RGS14: variants seen among roughly 807,000 people sequenced by gnomAD.
RGS14 encodes regulator of G protein signaling 14, also known as regulator of G-protein signaling 14.
RGS14 carries 33 observed loss-of-function variants against 63.8 expected under a neutral mutation model. The ratio of observed to expected loss-of-function variants is 0.52; its 90% CI spans 0.39 to 0.69. The LOEUF (loss-of-function observed/expected upper bound fraction) is 0.69, where lower values mean the gene tolerates loss of function less well. RGS14 is among the 30% of genes least tolerant of loss of function. RGS14 has a pLI of 0.00. For missense variants in RGS14, 739 were observed against 742.9 expected (o/e 0.99, Z 0.06); for synonymous variants, 296 against 320.9 (o/e 0.92, Z 0.83).
rs754736388 is a variant in RGS14, at chr5:177,358,064, C to T, written c.40C>T (p.Arg14Cys). The change falls in exon 1 of 15, where the codon CGC becomes TGC. Residue 14 changes from arginine to cysteine, a missense_variant. Coordinates refer to ENST00000408923, the MANE Select transcript of RGS14 (RefSeq NM_006480.5). The surrounding 1 kb of genome is among the most constrained non-coding windows in gnomAD (Gnocchi z 4.8). ...KPKHLGVPNG[R>C]MVLAVSDGEL... Reference sequence around the variant, plus strand: ...CAAGCACCTGGGCGTCCCCAACGGGCGCATGGTGAGTGTGGGCTCCGGGCC... The same window carrying T: ...CAAGCACCTGGGCGTCCCCAACGGGTGCATGGTGAGTGTGGGCTCCGGGCC... 5.2e-6 allele frequency: 7 copies of T among 1,356,036 alleles called. No homozygotes were observed. The highest frequency in any genetic ancestry group is 6.7e-6 in the Non-Finnish European group (7 of 1,044,138). The allele number at this position is 1,356,036 out of a possible 1,614,324, so 84.0% of individuals were successfully genotyped here. A position where few individuals can be genotyped will look rare whatever the true frequency, so the allele number is the denominator to read the frequency against.
intron 5 of RGS14, 79 bp downstream of exon 5, chr5:177,367,113 G>A: frequency 6.6e-7 from 1 of 1,514,892 alleles, no homozygotes; most frequent in Non-Finnish European, 8.9e-7. Flanking sequence ...CGGGGAGTCT[G>A]AACTACAAAG....
intron 1 of RGS14, among the ~76,000 whole-genome samples, chr5:177,363,566 T>C (rs936176907): frequency 2.6e-5 from 4 of 152,164 alleles, no homozygotes; most frequent in Admixed American, 1.3e-4. Flanking sequence ...CTCGAATGTG[T>C]AGCGGGGTCA....
chr5:177,358,008 C>T lies in RGS14; in HGVS notation c.-17C>T. 1 of 1,354,504 alleles carries T rather than the reference C, an allele frequency of 7.4e-7. No homozygotes were observed. The highest frequency in any genetic ancestry group is 9.6e-7 in the Non-Finnish European group (1 of 1,043,716). The allele number at this position is 1,354,504 out of a possible 1,614,324, so 83.9% of individuals were successfully genotyped here. On this transcript the variant is annotated 5_prime_UTR_variant, in exon 1 of 15. Coordinates refer to ENST00000408923, the MANE Select transcript of RGS14 (RefSeq NM_006480.5). The surrounding 1 kb of genome is among the most constrained non-coding windows in gnomAD (Gnocchi z 4.8). ...GGTGGGCAGCCCCCGCGGCGGGGAC[C>T]CCTGATCGGCAGCGGCATGCCAGGG...
At chr5:177,367,192 C>T in intron 5 of RGS14, 158 bp downstream of exon 5, 2 of 1,134,984 alleles carry the variant, frequency 1.8e-6, no homozygotes, top group Non-Finnish European at 2.5e-6. Context: ...GCTCAGAGGG[C>T]GGTATCAGAG....
intron 1 of RGS14, 23 bp from the exon 2 acceptor site, chr5:177,365,940 T>G (rs766341370): frequency 6.2e-7 from 1 of 1,613,818 alleles, no homozygotes; most frequent in Admixed American, 1.7e-5. Context: ...CTCTTCTGAC[T>G]TTCTCTGTTG....
At position 177,366,372 on chromosome 5, in the gene RGS14, GA is replaced by G; in HGVS notation, c.246+20del. On this transcript the variant is annotated intron_variant, in intron 3 of 14. Coordinates refer to ENST00000408923, the MANE Select transcript of RGS14 (RefSeq NM_006480.5). ...TACTTCACTGTAAGCCTGGGGTAGG[GA>G]AAGGGAAGGGGGGACACGGGAGAGG... 1.3e-6 allele frequency: 2 copies of G among 1,530,712 alleles called. No individual in the cohort carries two copies. The highest frequency in any genetic ancestry group is 1.8e-6 in the Non-Finnish European group (2 of 1,135,376). The allele number at this position is 1,530,712 out of a possible 1,614,324, so 94.8% of individuals were successfully genotyped here. A position where few individuals can be genotyped will look rare whatever the true frequency, so the allele number is the denominator to read the frequency against.
rs1027021210 is a variant in RGS14 at position 177,358,578 on chromosome 5, G to T, written c.45+509G>T. 6.6e-6 allele frequency among the ~76,000 whole-genome samples: 1 copy of T among 152,220 alleles called. No homozygotes were observed. Among genetic ancestry groups the T allele is most frequent in the Non-Finnish European group, 1.5e-5 (1 of 68,032 alleles). Reference sequence around the variant, plus strand: ...AGCATTGTTTGGGCAGCCCGGGATGGGGCAGCAGGGTCAGACTAGGTTGAT... The same window carrying T: ...AGCATTGTTTGGGCAGCCCGGGATGTGGCAGCAGGGTCAGACTAGGTTGAT... On this transcript the variant is annotated intron_variant, in intron 1 of 14. Coordinates refer to ENST00000408923, the MANE Select transcript of RGS14 (RefSeq NM_006480.5). The surrounding 1 kb of genome is among the most constrained non-coding windows in gnomAD (Gnocchi z 4.8).
In RGS14 at chr5:177,364,379, G is replaced by A. The variant is rs2127328940; in HGVS notation, c.46-1584G>A. On this transcript the variant is annotated intron_variant, in intron 1 of 14. Transcript: ENST00000408923. The surrounding 1 kb of genome is among the most constrained non-coding windows in gnomAD (Gnocchi z 4.6). ...GAAGAAAGATGGGGGCAGGGAAGCT[G>A]GTTTGGTACTGTGTTTTGGTGGAGG... Among the ~76,000 whole-genome samples, 1 of 152,298 alleles carries A rather than the reference G, an allele frequency of 6.6e-6. No homozygotes were observed. The highest frequency in any genetic ancestry group is 1.5e-5 in the Non-Finnish European group (1 of 68,018).
In RGS14 at chr5:177,366,962, C is replaced by T; in HGVS notation, c.411C>T (p.Asp137=). The T allele has an allele frequency of 6.2e-7, 1 of 1,613,964 alleles. No homozygotes were observed. The highest frequency in any genetic ancestry group is 1.1e-5 in the South Asian group (1 of 91,048). The stretch of plus-strand genomic sequence containing the variant: ...AGGCGCTGAGCCCAGTGAACATCGA[C>T]CGTCAGGCCTGGCTTGGCGAGGAGG... ...SSQALSPVNI[D]RQAWLGEEVL... The change falls in exon 5 of 15, where the codon GAC becomes GAT. Residue 137 remains aspartate (D), a synonymous_variant. Transcript: ENST00000408923.
chr5:177,366,233 A>G lies in RGS14; in HGVS notation c.124A>G (p.Ser42Gly). ...GGGCGAGGGCCGCGGCAGCTCTCTC[A>G]GCATCCACAGCCTCCCCAGTGGTCC... Reference protein sequence around the residue: ...GQGEGRGSSLSIHSLPSGPSS... With the variant: ...GQGEGRGSSLGIHSLPSGPSS... The change falls in exon 3 of 15, where the codon AGC (serine) becomes GGC (glycine). Residue 42 changes from serine to glycine, a missense_variant. Transcript: ENST00000408923. 6.3e-7 allele frequency: 1 copy of G among 1,595,336 alleles called. No homozygotes were observed. Among genetic ancestry groups the G allele is most frequent in the Non-Finnish European group, 8.5e-7 (1 of 1,172,098 alleles).
chr5:177,369,619 C>T (rs1433431840), intron 9 of RGS14, among the ~76,000 whole-genome samples: 1 of 152,168 alleles, frequency 6.6e-6, no homozygotes, highest in Non-Finnish European at 1.5e-5. Context: ...TGGCTGGTGT[C>T]CGGAAGGCTT....
At chr5:177,366,592 G>T in intron 3 of RGS14, 116 bp from the exon 4 acceptor site, 1 of 963,570 alleles carries the variant, frequency 1.0e-6, no homozygotes, top group Non-Finnish European at 1.6e-6. Context: ...GTCTGGCCCT[G>T]TCTGTCTGGC....
At chr5:177,366,842 G>A (rs201711109) in intron 4 of RGS14, 42 bp downstream of exon 4, 44 of 1,613,960 alleles carry the variant, frequency 2.7e-5, no homozygotes, top group Middle Eastern at 1.7e-4. Flanking sequence ...GGGGAGAGGG[G>A]AACTGGGCCA....
At chr5:177,370,732 C>G (rs1023139912) in intron 10 of RGS14, 68 bp downstream of exon 10, 2 of 1,576,208 alleles carry the variant, frequency 1.3e-6, no homozygotes, top group Non-Finnish European at 1.7e-6. Context: ...TTCTAGCTAC[C>G]TGGCTCCCCA....
chr5:177,360,503 G>T (rs1761937776), intron 1 of RGS14, among the ~76,000 whole-genome samples: 1 of 148,256 alleles, frequency 6.7e-6, no homozygotes, highest in South Asian at 2.1e-4. Context: ...GGTAAAGGCT[G>T]CAGTGAGCTG....
At chr5:177,366,054 C>A in intron 2 of RGS14, 70 bp downstream of exon 2, 1 of 1,595,420 alleles carries the variant, frequency 6.3e-7, no homozygotes, top group Non-Finnish European at 8.6e-7. Flanking sequence ...GGTGGGGACA[C>A]CCCTGCCACC....
Position 177,368,789 on chromosome 5 carries a change from C to T in RGS14, c.922C>T (p.Leu308=). Residue 308 remains leucine (L), a synonymous_variant, in exon 9 of 15, where the codon CTG becomes TTG. Coordinates refer to ENST00000408923, the MANE Select transcript of RGS14 (RefSeq NM_006480.5). The stretch of plus-strand genomic sequence containing the variant: ...GCCAGGGAAGTACTGCTGTGTGTAC[C>T]TGCCCGATGGCACAGCCTCCTTGGC... ...SRPGKYCCVY[L]PDGTASLALA... The T allele has an allele frequency of 1.9e-6, 3 of 1,614,240 alleles. No homozygotes were observed. The highest frequency in any genetic ancestry group is 2.5e-6 in the Non-Finnish European group (3 of 1,180,036).
In RGS14 at chr5:177,366,277, C is replaced by A; in HGVS notation, c.168C>A (p.Thr56=). 5.1e-6 allele frequency: 8 copies of A among 1,568,744 alleles called. No individual in the cohort carries two copies. The highest frequency in any genetic ancestry group is 6.9e-6 in the Non-Finnish European group (8 of 1,157,714). Residue 56 remains threonine, a synonymous_variant, in exon 3 of 15, where the codon ACC becomes ACA. Coordinates refer to ENST00000408923, the MANE Select transcript of RGS14 (RefSeq NM_006480.5). ...LPSGPSSPFP[T]EEQPVASWAL... ...GTGGTCCCAGCAGCCCCTTCCCAAC[C>A]GAGGAGCAGCCTGTGGCCAGCTGGG...
rs1762049006 is a variant in RGS14 at position 177,364,566 on chromosome 5, C to T, written c.46-1397C>T. On this transcript the variant is annotated intron_variant, in intron 1 of 14. Coordinates refer to ENST00000408923, the MANE Select transcript of RGS14 (RefSeq NM_006480.5). This position sits in a 1 kb window ranked among gnomAD's most constrained non-coding sequence, Gnocchi z 4.6. The stretch of plus-strand genomic sequence containing the variant: ...CTAACCCCAAGTCAGGGGTGATAGG[C>T]GCTGGAGCCGTTACCAGGAAGTTGG... Among the ~76,000 whole-genome samples the T allele has an allele frequency of 6.6e-6, 1 of 152,082 alleles. No homozygotes were observed. The highest frequency in any genetic ancestry group is 6.5e-5 in the Admixed American group (1 of 15,274).
Sources: gnomAD v4.1 joint callset for allele counts (sites outside exome capture counted in the v4.1 genomes callset) on GRCh38, gnomAD v4.1.1 for gene constraint, Gnocchi (gnomAD v3.1) non-coding constraint, MANE v1.5 for transcripts, NCBI Gene and HGNC (gene_info 2026-07-23, HGNC 2026-07-21) for gene names.